The following PPP1R9A variants were observed in gnomAD, a reference collection of about 807,000 sequenced individuals.
PPP1R9A encodes the protein neurabin-1.
A neutral mutation model predicts 141.9 loss-of-function variants in PPP1R9A; 59 were observed. The observed-to-expected ratio is 0.42, with a 90% CI of 0.34 to 0.52. PPP1R9A has a LOEUF of 0.52. Among genes scored for constraint, PPP1R9A ranks in the 20% least tolerant of loss-of-function variants. The probability of loss-of-function intolerance (pLI) is 0.10; values close to 1 mark genes in which losing one functional copy is unlikely to be tolerated. For missense variants in PPP1R9A, 1,444 were observed against 1,611.9 expected (o/e 0.90, Z 1.78); for synonymous variants, 500 against 569.7 (o/e 0.88, Z 1.74).
chr7:95,069,660 G>T (rs1323650251), intron 2 of PPP1R9A, among the ~76,000 whole-genome samples: 1 of 152,126 alleles, frequency 6.6e-6, no homozygotes, highest in African/African-American at 2.4e-5. Context: ...AGTTAGATTA[G>T]TAGCAGTCAG....
At chr7:94,927,584 AG>A (rs1265563259) in intron 2 of PPP1R9A, among the ~76,000 whole-genome samples, 2 of 152,220 alleles carry the variant, frequency 1.3e-5, no homozygotes, top group Non-Finnish European at 2.9e-5. Flanking sequence ...TTGTCTTCTG[AG>A]TTGATTGATA....
chr7:95,175,865 ATAAT>A (rs770129568), intron 5 of PPP1R9A, among the ~76,000 whole-genome samples: 1 of 152,172 alleles, frequency 6.6e-6, no homozygotes, highest in Non-Finnish European at 1.5e-5. Context: ...ACAATAGAAA[ATAAT>A]TAATCTGAGG....
intron 2 of PPP1R9A, among the ~76,000 whole-genome samples, chr7:95,077,537 G>A (rs776182838): frequency 6.6e-6 from 1 of 152,138 alleles, no homozygotes; most frequent in African/African-American, 2.4e-5. Flanking sequence ...AGTATAATAT[G>A]AGGGAACTGT....
At chr7:94,925,007 A>G (rs1454540017) in intron 2 of PPP1R9A, among the ~76,000 whole-genome samples, 4 of 152,180 alleles carry the variant, frequency 2.6e-5, no homozygotes, top group Admixed American at 6.5e-5. Context: ...TCCTATATTT[A>G]ACTTAGCTGG....
chr7:94,944,472 A>G (rs1563027228), intron 2 of PPP1R9A, among the ~76,000 whole-genome samples: 1 of 150,590 alleles, frequency 6.6e-6, no homozygotes, highest in African/African-American at 2.5e-5. Flanking sequence ...TTAAAAAAAA[A>G]GGTCATTACT....
chr7:95,148,646 C>T (rs2152634110), intron 4 of PPP1R9A, among the ~76,000 whole-genome samples: 1 of 150,192 alleles, frequency 6.7e-6, no homozygotes, highest in Non-Finnish European at 1.5e-5. Flanking sequence ...GAGTTTATTG[C>T]CAGCCTGGCC....
intron 2 of PPP1R9A, among the ~76,000 whole-genome samples, chr7:94,912,437 G>A (rs1428602360): frequency 6.6e-6 from 1 of 152,130 alleles, no homozygotes; most frequent in African/African-American, 2.4e-5. Context: ...TCTCCTTGGG[G>A]AATCTGGAAG....
chr7:95,289,403 G>T (rs1467776605), intron 19 of PPP1R9A, among the ~76,000 whole-genome samples: 2 of 152,210 alleles, frequency 1.3e-5, no homozygotes, highest in Non-Finnish European at 1.5e-5. Context: ...TCAATAGCTT[G>T]TGAATATGAA....
rs138552151 is a variant in PPP1R9A at position 94,910,915 on chromosome 7, A to T, written c.802A>T (p.Thr268Ser). 1.7e-4 allele frequency: 267 copies of T among 1,614,148 alleles called. No individual in the cohort carries two copies. The African/African-American group carries it at 3.2e-3, about 20-fold the overall frequency. The change falls in exon 2 of 20, where the codon ACA becomes TCA. Residue 268 changes from threonine to serine, a missense_variant. Physicochemically the swap from Thr to Ser is moderately conservative, Grantham distance 58. Transcript: ENST00000433360. This position sits in a 1 kb window ranked among gnomAD's most constrained non-coding sequence, Gnocchi z 4.5. ...WPPSNKRGVD[T>S]EDAHKSNATP... ...TCCTTCAAACAAGCGAGGTGTTGAT[A>T]CAGAGGATGCTCACAAGAGTAATGC...
intron 4 of PPP1R9A, among the ~76,000 whole-genome samples, chr7:95,133,979 G>C (rs538101860): frequency 6.6e-6 from 1 of 151,980 alleles, no homozygotes; most frequent in Non-Finnish European, 1.5e-5. Flanking sequence ...CACAACACTC[G>C]GCCCTAGGTG....
At chr7:94,979,620 C>T (rs2151307770) in intron 2 of PPP1R9A, among the ~76,000 whole-genome samples, 1 of 152,296 alleles carries the variant, frequency 6.6e-6, no homozygotes, top group East Asian at 1.9e-4. Flanking sequence ...AAGGTCACCC[C>T]ATGGAAGATC....
At chr7:95,278,049 T>C (rs1415631281) in intron 16 of PPP1R9A, among the ~76,000 whole-genome samples, 1 of 152,252 alleles carries the variant, frequency 6.6e-6, no homozygotes, top group South Asian at 2.1e-4. Context: ...TGGAAATGAA[T>C]TTGCATTCAA....
At chr7:94,982,630 A>G (rs1468771717) in intron 2 of PPP1R9A, among the ~76,000 whole-genome samples, 1 of 151,948 alleles carries the variant, frequency 6.6e-6, no homozygotes, top group Non-Finnish European at 1.5e-5. Flanking sequence ...CTTCTTTTGA[A>G]AAGTGTCTGT....
chr7:95,087,653 T>G (rs185297723), intron 2 of PPP1R9A, among the ~76,000 whole-genome samples: 2 of 152,052 alleles, frequency 1.3e-5, no homozygotes, highest in Admixed American at 1.3e-4. Flanking sequence ...TCCCAGCACT[T>G]TGGGAGGTCG....
chr7:94,975,892 A>C (rs993666295), intron 2 of PPP1R9A, among the ~76,000 whole-genome samples: 1 of 152,180 alleles, frequency 6.6e-6, no homozygotes, highest in Non-Finnish European at 1.5e-5. Context: ...GTACAATTTC[A>C]GGTTATTCAT....
chr7:95,259,923 A>G (rs918913195), intron 12 of PPP1R9A, among the ~76,000 whole-genome samples: 1 of 152,156 alleles, frequency 6.6e-6, no homozygotes, highest in Non-Finnish European at 1.5e-5. Context: ...TATTTTTTGC[A>G]TACAGATATA....
At chr7:95,090,520 A>G (rs1162334741) in intron 2 of PPP1R9A, among the ~76,000 whole-genome samples, 1 of 151,940 alleles carries the variant, frequency 6.6e-6, no homozygotes, top group Non-Finnish European at 1.5e-5. Context: ...AAAGAAAATA[A>G]AAAATCAGCC....
intron 8 of PPP1R9A, among the ~76,000 whole-genome samples, chr7:95,245,668 A>G (rs1031232974): frequency 2.0e-5 from 3 of 152,120 alleles, no homozygotes; most frequent in African/African-American, 2.4e-5. Flanking sequence ...CCTTCTTCCA[A>G]TCTAGTCATT....
chr7:94,919,330 A>ATTTTTTT (rs1792498401), intron 2 of PPP1R9A, among the ~76,000 whole-genome samples: 1 of 101,008 alleles, frequency 9.9e-6, no homozygotes, highest in Non-Finnish European at 1.9e-5. Flanking sequence ...TTTTTTGTAG[A>ATTTTTTT]TTCAGGGTCT....
Sources: gnomAD v4.1 joint callset for allele counts (sites outside exome capture counted in the v4.1 genomes callset) on GRCh38, gnomAD v4.1.1 for gene constraint, Gnocchi (gnomAD v3.1) non-coding constraint, MANE v1.5 for transcripts, NCBI Gene and HGNC (gene_info 2026-07-23, HGNC 2026-07-21) for gene names.